The following NICN1 variants were observed in gnomAD, a reference collection of about 807,000 sequenced individuals.
The protein encoded by NICN1 is nicolin-1.
A neutral mutation model predicts 26.3 loss-of-function variants in NICN1; 18 were observed. The observed-to-expected ratio is 0.68, with a 90% confidence interval of 0.47 to 1.01. The LOEUF (loss-of-function observed/expected upper bound fraction) is 1.01, where lower values mean the gene tolerates loss of function less well. Ranked by LOEUF, NICN1 falls within the 50% of genes least tolerant of loss-of-function variation. The pLI, the probability that NICN1 is intolerant of heterozygous loss-of-function variation, is 0.00. For synonymous variants in NICN1, 109 were observed against 111.0 expected (o/e 0.98, Z 0.11); for missense variants, 239 against 278.3 (o/e 0.86, Z 1.00).
chr3:49,426,595 T>G (rs1041948027), intron 1 of NICN1, among the ~76,000 whole-genome samples, 167 bp from the exon 2 acceptor site: 1 of 151,214 alleles, frequency 6.6e-6, no homozygotes, highest in Admixed American at 6.6e-5. Context: ...TAGCGTGATC[T>G]CAGCTCACTG....
chr3:49,427,155 A>G (rs1031622631), intron 1 of NICN1, among the ~76,000 whole-genome samples: 11 of 152,062 alleles, frequency 7.2e-5, no homozygotes, highest in Non-Finnish European at 1.6e-4. Flanking sequence ...CCCCGTCTCT[A>G]CTAAAAATAC....
At position 49,424,960 on chromosome 3, in the gene NICN1, C is replaced by T. The variant is rs775251872; in HGVS notation, c.589G>A (p.Gly197Ser). ...AAGCGATTACTTACATCAAAGCGGC[C>T]GATCCTTGCGGAGGTGTGACTGGCC... ...IRASHTSARIGRFDVDGCYDL... is the reference protein window; with the variant it reads ...IRASHTSARISRFDVDGCYDL... The change falls in exon 5 of 6, where the codon GGC (glycine) becomes AGC (serine). Residue 197 changes from glycine (G) to serine (S), a missense_variant. By Grantham distance (56) the Gly-to-Ser change is moderately conservative. Coordinates refer to ENST00000273598, the MANE Select transcript of NICN1 (RefSeq NM_032316.3). The T allele has an allele frequency of 9.3e-6, 15 of 1,613,924 alleles. No individual in the cohort carries two copies. The highest frequency in any genetic ancestry group is 3.3e-4 in the Middle Eastern group (2 of 6,080).
intron 1 of NICN1, among the ~76,000 whole-genome samples, 198 bp from the exon 2 acceptor site, chr3:49,426,626 C>T (rs1409955794): frequency 6.6e-6 from 1 of 151,610 alleles, no homozygotes; most frequent in Non-Finnish European, 1.5e-5. Flanking sequence ...CTCCCAGGTT[C>T]AAGCGATTCT....
intron 1 of NICN1, among the ~76,000 whole-genome samples, chr3:49,427,830 C>G (rs2049187635): frequency 6.6e-6 from 1 of 152,086 alleles, no homozygotes; most frequent in African/African-American, 2.4e-5. Context: ...ATAAATTGTC[C>G]TGGCTTCACC....
rs1559532392 is a variant in NICN1 at position 49,425,924 on chromosome 3, A to G, written c.382T>C (p.Phe128Leu). The part of the protein sequence containing the change: ...LRQPSPLWLS[F>L]TVEELQIYQQ... The stretch of plus-strand genomic sequence containing the variant: ...TAGATCTGCAGCTCCTCCACTGTGA[A>G]AGACAGCCACAGTGGTGATGGCTGC... The change falls in exon 3 of 6, where the codon TTC becomes CTC. Residue 128 changes from phenylalanine (F) to leucine (L), a missense_variant. By Grantham distance (22) the Phe-to-Leu change is conservative. Transcript: ENST00000273598. 1.9e-6 allele frequency: 3 copies of G among 1,610,260 alleles called. No individual in the cohort carries two copies. In the African/African-American group the frequency reaches 4.0e-5, roughly 22 times the overall value.
chr3:49,429,054 A>G (rs1428417840), intron 1 of NICN1, 54 bp downstream of exon 1: 2 of 1,514,010 alleles, frequency 1.3e-6, no homozygotes, highest in East Asian at 4.9e-5. Context: ...AACGACCGAG[A>G]TTCCAGGTCG....
Position 49,422,651 on chromosome 3 carries a change from T to A in NICN1, c.*2182A>T, listed in dbSNP as rs533658788. 13 of 707,956 alleles carry A rather than the reference T, an allele frequency of 1.8e-5. No individual in the cohort carries two copies. The highest frequency in any genetic ancestry group is 6.0e-5 in the Admixed American group (3 of 49,728). The allele number at this position is 707,956 out of a possible 1,614,324, so 43.9% of individuals were successfully genotyped here. A position where few individuals can be genotyped will look rare whatever the true frequency, so the allele number is the denominator to read the frequency against. The stretch of plus-strand genomic sequence containing the variant: ...CAACCACAGGGAAGAAGCCTCCAGC[T>A]CTTTCGGCTGACTCTTCAGGGCAGC... On this transcript the variant is annotated 3_prime_UTR_variant, in exon 6 of 6. Transcript: ENST00000273598.
chr3:49,427,351 C>T (rs1398567416), intron 1 of NICN1, among the ~76,000 whole-genome samples: 2 of 148,742 alleles, frequency 1.3e-5, no homozygotes, highest in Non-Finnish European at 3.0e-5. Context: ...ATGTAGAAAA[C>T]GTAGGCTGGG....
intron 3 of NICN1, 56 bp from the exon 4 acceptor site, chr3:49,425,494 A>ACCTG: frequency 6.9e-7 from 1 of 1,440,672 alleles, no homozygotes; most frequent in Non-Finnish European, 9.5e-7. Flanking sequence ...CTCTGGGACC[A>ACCTG]GATTCCAAGG....
rs2049169610 is a variant in NICN1, at chr3:49,426,310, A to G, written c.251T>C (p.Met84Thr). ...WVTCLRDYCL[M>T]PDPHSEEGAQ... is the part of the protein sequence containing the mutation. ...TCCCTCCTCACTGTGTGGGTCAGGC[A>G]TTAGGCAGTAGTCCCGCAGGCAGGT... The change falls in exon 2 of 6, where the codon ATG (methionine) becomes ACG (threonine). Residue 84 changes from methionine (M) to threonine (T), a missense_variant. Transcript: ENST00000273598. 1.9e-6 allele frequency: 3 copies of G among 1,614,196 alleles called. No homozygotes were observed. The highest frequency in any genetic ancestry group is 2.5e-6 in the Non-Finnish European group (3 of 1,180,030).
In NICN1 at chr3:49,429,159, C is replaced by A; in HGVS notation, c.81G>T (p.Arg27=). Residue 27 remains arginine (R), a synonymous_variant, in exon 1 of 6, where the codon CGG becomes CGT. Coordinates refer to ENST00000273598, the MANE Select transcript of NICN1 (RefSeq NM_032316.3). The part of the protein sequence containing the change: ...QVGDVRTSQG[R]PGVLVIDVTF... The stretch of plus-strand genomic sequence containing the variant: ...TGACATCGATGACCAGCACGCCAGG[C>A]CGGCCTTGGGAGGTCCGCACGTCGC... 6.2e-7 allele frequency: 1 copy of A among 1,610,926 alleles called. No homozygotes were observed. The highest frequency in any genetic ancestry group is 1.7e-5 in the Admixed American group (1 of 59,782).
At position 49,423,788 on chromosome 3, in the gene NICN1, T is replaced by C. The variant is rs562560247; in HGVS notation, c.*1045A>G. On this transcript the variant is annotated 3_prime_UTR_variant, in exon 6 of 6. Coordinates refer to ENST00000273598, the MANE Select transcript of NICN1 (RefSeq NM_032316.3). ...AACAACAAAAAAGGAGAGGGGCAACTGGGAGAAAGGATAGAGATGTGCTTT... is the reference window on the plus strand; with the variant it reads ...AACAACAAAAAAGGAGAGGGGCAACCGGGAGAAAGGATAGAGATGTGCTTT... The C allele has an allele frequency of 2.6e-5, 4 of 151,416 alleles. No homozygotes were observed. The highest frequency in any genetic ancestry group is 1.9e-4 in the East Asian group (1 of 5,142). The allele number at this position is 151,416 out of a possible 1,614,324, so 9.4% of individuals were successfully genotyped here.
At position 49,426,417 on chromosome 3, in the gene NICN1, G is replaced by A; in HGVS notation, c.144C>T (p.Ile48=). The part of the protein sequence containing the change: ...PSVAPFELQE[I]TFKNYYTAFL... The stretch of plus-strand genomic sequence containing the variant: ...AAGCTGTGTAGTAATTCTTAAACGT[G>A]ATTTCCTGCAACTAGAACACATACA... Residue 48 remains isoleucine, a synonymous_variant, in exon 2 of 6, where the codon ATC becomes ATT. Transcript: ENST00000273598. 1 of 1,613,994 alleles carries A rather than the reference G, an allele frequency of 6.2e-7. No individual in the cohort carries two copies. Among genetic ancestry groups the A allele is most frequent in the Non-Finnish European group, 8.5e-7 (1 of 1,179,938 alleles).
chr3:49,426,233 A>T lies in NICN1; in HGVS notation c.309+19T>A, dbSNP rs1425496782. ...AGTCCTCATCTGGGCTGCCCTGGCCATCCTGAGGCCCAGCTGACCTGATGC... is the reference window on the plus strand; with the variant it reads ...AGTCCTCATCTGGGCTGCCCTGGCCTTCCTGAGGCCCAGCTGACCTGATGC... On this transcript the variant is annotated intron_variant, in intron 2 of 5. Coordinates refer to ENST00000273598, the MANE Select transcript of NICN1 (RefSeq NM_032316.3). 2 of 1,612,656 alleles carry T rather than the reference A, an allele frequency of 1.2e-6. No individual in the cohort carries two copies. Among genetic ancestry groups the T allele is most frequent in the Non-Finnish European group, 1.7e-6 (2 of 1,179,270 alleles).
intron 4 of NICN1, 152 bp from the exon 5 acceptor site, chr3:49,425,205 C>A (rs1220188677): frequency 1.2e-6 from 1 of 817,348 alleles, no homozygotes; most frequent in Non-Finnish European, 2.1e-6. Context: ...CCTGATGTAG[C>A]CCCACAACAG....
In NICN1 at chr3:49,429,272, G is replaced by A. The variant is rs781263968; in HGVS notation, c.-33C>T. The stretch of plus-strand genomic sequence containing the variant: ...GCAGCCGCAACTAAGTGCAACCGCC[G>A]CTCTAGGCCCCCGACCACCAGCCCT... On this transcript the variant is annotated 5_prime_UTR_variant, in exon 1 of 6. Transcript: ENST00000273598. 2.6e-6 allele frequency: 4 copies of A among 1,564,528 alleles called. No homozygotes were observed. The highest frequency in any genetic ancestry group is 1.2e-5 in the South Asian group (1 of 86,626).
chr3:49,429,083 G>A (rs746064312), intron 1 of NICN1, 25 bp downstream of exon 1: 1 of 1,558,916 alleles, frequency 6.4e-7, no homozygotes, highest in Non-Finnish European at 8.7e-7. Flanking sequence ...CGGGAGCCTC[G>A]GTCGCGCCCA....
At position 49,422,888 on chromosome 3, in the gene NICN1, A is replaced by C. The variant is rs1273620052; in HGVS notation, c.*1945T>G. Reference sequence around the variant, plus strand: ...GGCAGCACCACAGTAGTCTGTCCTCATGTGGACCCCTAGTTCCACAGCTCT... The same window carrying C: ...GGCAGCACCACAGTAGTCTGTCCTCCTGTGGACCCCTAGTTCCACAGCTCT... On this transcript the variant is annotated 3_prime_UTR_variant, in exon 6 of 6. Coordinates refer to ENST00000273598, the MANE Select transcript of NICN1 (RefSeq NM_032316.3). 3.1e-6 allele frequency: 1 copy of C among 318,960 alleles called. No individual in the cohort carries two copies. The highest frequency in any genetic ancestry group is 6.2e-6 in the Non-Finnish European group (1 of 161,384). 19.8% of individuals were successfully genotyped at this position (318,960 alleles called of 1,614,324 possible). A position where few individuals can be genotyped will look rare whatever the true frequency, so the allele number is the denominator to read the frequency against.
rs1159668726 is a variant in NICN1 at position 49,422,626 on chromosome 3, C to A, written c.*2207G>T. 4.0e-6 allele frequency: 3 copies of A among 742,196 alleles called. No homozygotes were observed. The highest frequency in any genetic ancestry group is 7.1e-6 in the Non-Finnish European group (3 of 421,776). 46.0% of individuals were successfully genotyped at this position (742,196 alleles called of 1,614,324 possible). ...TTAGAGCAGAGAATGCAGGAACCCG[C>A]AACCACAGGGAAGAAGCCTCCAGCT... On this transcript the variant is annotated 3_prime_UTR_variant, in exon 6 of 6. Coordinates refer to ENST00000273598, the MANE Select transcript of NICN1 (RefSeq NM_032316.3).
Sources: gnomAD v4.1 joint callset for allele counts (sites outside exome capture counted in the v4.1 genomes callset) on GRCh38, gnomAD v4.1.1 for gene constraint, MANE v1.5 for transcripts, NCBI Gene and HGNC (gene_info 2026-07-23, HGNC 2026-07-21) for gene names.